The following PDE1C variants were observed in gnomAD, a reference collection of about 807,000 sequenced individuals.
The protein encoded by PDE1C is phosphodiesterase 1C, also known as dual specificity calcium/calmodulin-dependent 3',5'-cyclic nucleotide phosphodiesterase 1C.
In PDE1C, 62 loss-of-function variants were observed where a neutral mutation model predicts 93.1. The ratio of observed to expected loss-of-function variants is 0.67; its 90% CI spans 0.54 to 0.82. The LOEUF (loss-of-function observed/expected upper bound fraction) is 0.82. Ranked by LOEUF, PDE1C falls within the 40% of genes least tolerant of loss-of-function variation. PDE1C has a pLI of 0.00. For missense variants in PDE1C, 742 were observed against 884.6 expected, an observed-to-expected ratio of 0.84 and a Z score of 2.04; for synonymous variants, 325 against 310.1, an observed-to-expected ratio of 1.05 and a Z score of -0.50.
At chr7:32,152,295 C>A (rs574173099) in intron 3 of PDE1C, among the ~76,000 whole-genome samples, 2 of 152,270 alleles carry the variant, frequency 1.3e-5, no homozygotes, top group East Asian at 3.9e-4. Flanking sequence ...TTTCTGAACC[C>A]ACTTTGCTAG....
rs1253326733 is a variant in PDE1C, at chr7:32,088,041, T to C, written c.308+81744A>G. On this transcript the variant is annotated intron_variant, in intron 3 of 18. Transcript: ENST00000396193. Reference sequence around the variant, plus strand: ...AAAATAAAAAATAAAAAAAAGAAAATGTGTTTATGTCAAAATATTGGCAGG... The same window carrying C: ...AAAATAAAAAATAAAAAAAAGAAAACGTGTTTATGTCAAAATATTGGCAGG... Among the ~76,000 whole-genome samples the C allele has an allele frequency of 2.6e-5, 4 of 151,728 alleles. No individual in the cohort carries two copies. In the East Asian group the frequency reaches 7.7e-4, roughly 29 times the overall value.
intron 14 of PDE1C, among the ~76,000 whole-genome samples, chr7:31,821,544 A>C (rs1788959389): frequency 6.6e-6 from 1 of 152,114 alleles, no homozygotes; most frequent in South Asian, 2.1e-4. Flanking sequence ...CGCTGCTTGC[A>C]ATGCCTGCCA....
chr7:31,800,931 T>G (rs2128689387), intron 16 of PDE1C, among the ~76,000 whole-genome samples: 1 of 151,272 alleles, frequency 6.6e-6, no homozygotes, highest in East Asian at 2.0e-4. Context: ...AAATGGAAAT[T>G]AGAAAGTATT....
chr7:31,837,750 T>C, intron 10 of PDE1C, 120 bp downstream of exon 10: 1 of 650,530 alleles, frequency 1.5e-6, no homozygotes, highest in South Asian at 2.1e-5. Flanking sequence ...ACATAATCAT[T>C]GCATAAGAAC....
At chr7:31,979,319 T>C (rs1812083683) in intron 2 of PDE1C, among the ~76,000 whole-genome samples, 1 of 152,232 alleles carries the variant, frequency 6.6e-6, no homozygotes, top group African/African-American at 2.4e-5. Flanking sequence ...ATCCATGCCA[T>C]GGTTTCTATC....
intron 3 of PDE1C, chr7:32,077,777 G>T: frequency 1.4e-6 from 1 of 739,942 alleles, no homozygotes; most frequent in Non-Finnish European, 1.7e-6. Flanking sequence ...CACCATCTTG[G>T]CCAGGCTGGT....
chr7:32,337,899 G>A (rs1276167131), intron 1 of PDE1C, among the ~76,000 whole-genome samples: 3 of 152,172 alleles, frequency 2.0e-5, no homozygotes, highest in Non-Finnish European at 4.4e-5. Context: ...TTTTCAACAA[G>A]TGGTGCTGAG....
chr7:32,398,584 T>C (rs1784883694), intron 1 of PDE1C, among the ~76,000 whole-genome samples: 1 of 151,994 alleles, frequency 6.6e-6, no homozygotes, highest in Admixed American at 6.5e-5. Context: ...AGATGGGGTT[T>C]CACCATATTG....
intron 2 of PDE1C, among the ~76,000 whole-genome samples, chr7:32,195,246 G>T (rs1167623575): frequency 2.0e-5 from 3 of 152,220 alleles, no homozygotes; most frequent in East Asian, 1.9e-4. Context: ...ATGTCCCAAG[G>T]TTCCTTCTCT....
intron 1 of PDE1C, among the ~76,000 whole-genome samples, chr7:32,346,515 G>T (rs1235932785): frequency 1.3e-5 from 2 of 152,168 alleles, no homozygotes; most frequent in African/African-American, 4.8e-5. Context: ...TGCCTGTAAG[G>T]GTCTACACTC....
chr7:32,423,435 T>C (rs1785470408), intron 1 of PDE1C, among the ~76,000 whole-genome samples: 1 of 152,206 alleles, frequency 6.6e-6, no homozygotes, highest in African/African-American at 2.4e-5. Context: ...TTGTCAGACT[T>C]ACCAGAAAGT....
At chr7:32,293,899 G>A (rs1286630192) in intron 1 of PDE1C, among the ~76,000 whole-genome samples, 1 of 152,200 alleles carries the variant, frequency 6.6e-6, no homozygotes. Flanking sequence ...TAAGCAGGCA[G>A]ATGGAAGGCA....
intron 1 of PDE1C, among the ~76,000 whole-genome samples, chr7:32,058,275 G>T (rs922316789): frequency 6.6e-6 from 1 of 152,126 alleles, no homozygotes; most frequent in Non-Finnish European, 1.5e-5. Flanking sequence ...CACACAGACC[G>T]CTTCGGAAAG....
chr7:31,926,587 C>A (rs558962395), intron 2 of PDE1C, among the ~76,000 whole-genome samples: 1 of 152,240 alleles, frequency 6.6e-6, no homozygotes, highest in South Asian at 2.1e-4. Context: ...AGCTGAGGTA[C>A]CTGGCTTATC....
At chr7:32,310,427 A>AC (rs1782994793) in intron 1 of PDE1C, among the ~76,000 whole-genome samples, 1 of 152,210 alleles carries the variant, frequency 6.6e-6, no homozygotes, top group African/African-American at 2.4e-5. Flanking sequence ...AGAACTCTCT[A>AC]CCCCAAATCA....
intron 1 of PDE1C, among the ~76,000 whole-genome samples, chr7:32,409,222 A>C (rs776327903): frequency 4.6e-5 from 7 of 151,998 alleles, no homozygotes; most frequent in Non-Finnish European, 7.4e-5. Flanking sequence ...TAGGCTGGGC[A>C]TGGTGGCATG....
intron 1 of PDE1C, among the ~76,000 whole-genome samples, chr7:32,311,057 A>C (rs1480586678): frequency 2.0e-5 from 3 of 152,214 alleles, no homozygotes; most frequent in Non-Finnish European, 2.9e-5. Flanking sequence ...GCAATAAAAA[A>C]TGATAAAGAA....
At chr7:31,904,264 C>G (rs1450332040) in intron 2 of PDE1C, among the ~76,000 whole-genome samples, 1 of 152,116 alleles carries the variant, frequency 6.6e-6, no homozygotes, top group African/African-American at 2.4e-5. Flanking sequence ...ATAAAACATT[C>G]TAACTCTTCG....
the PDE1C span, among the ~76,000 whole-genome samples, chr7:31,723,153 T>G: frequency 2.6e-5 from 4 of 152,198 alleles, no homozygotes; most frequent in Non-Finnish European, 4.4e-5. Context: ...CAATTTCCTT[T>G]CTATGATGCT....
Sources: allele counts gnomAD v4.1 joint callset (sites outside exome capture counted in the v4.1 genomes callset), GRCh38; gene constraint gnomAD v4.1.1; transcripts MANE v1.5; gene names NCBI Gene and HGNC (gene_info 2026-07-23, HGNC 2026-07-21).